Variants in PCDHA6 observed in about 807,000 individuals in gnomAD.
PCDHA6 encodes protocadherin alpha 6, also known as protocadherin alpha-6.
Under a neutral mutation model 60.3 loss-of-function variants are expected in PCDHA6, and 55 were observed. The ratio of observed to expected loss-of-function variants is 0.91; its 90% CI spans 0.73 to 1.14. PCDHA6 has a LOEUF of 1.14. Ranked by LOEUF, PCDHA6 falls within the 50% of genes most tolerant of loss-of-function variation. The pLI is 0.00. For missense variants in PCDHA6, 1,327 were observed against 1,256.5 expected, an observed-to-expected ratio of 1.06 and a Z score of -0.85; for synonymous variants, 652 against 557.9, an observed-to-expected ratio of 1.17 and a Z score of -2.38.
intron 1 of PCDHA6, chr5:140,860,800 C>A (rs1270356784): frequency 1.3e-5 from 2 of 152,198 alleles, no homozygotes; most frequent in Non-Finnish European, 2.9e-5. Context: ...TGCAGTGGCA[C>A]GATCTCGGCT....
chr5:140,956,464 A>C (rs1340273443), intron 1 of PCDHA6, among the ~76,000 whole-genome samples: 1 of 152,148 alleles, frequency 6.6e-6, no homozygotes, highest in Admixed American at 6.6e-5. Flanking sequence ...ATTGATTTGC[A>C]TATGTTGAAC....
chr5:140,966,658 G>A (rs887585622), intron 1 of PCDHA6: 5 of 1,212,426 alleles, frequency 4.1e-6, no homozygotes, highest in Admixed American at 3.9e-5. Flanking sequence ...GAGCGGTGGG[G>A]GAGCAGGCGC....
At chr5:140,896,346 G>A (rs1466880160) in intron 1 of PCDHA6, among the ~76,000 whole-genome samples, 17 of 151,992 alleles carry the variant, frequency 1.1e-4, no homozygotes, top group African/African-American at 3.4e-4. Flanking sequence ...TTATATTCCC[G>A]CCAGCAGTGT....
chr5:140,929,484 T>C, intron 1 of PCDHA6: 1 of 1,156,262 alleles, frequency 8.6e-7, no homozygotes, highest in Non-Finnish European at 1.2e-6. Context: ...AGTATAGAAG[T>C]ATTAGAAGAT....
chr5:140,844,611 T>C (rs1779461835), intron 1 of PCDHA6, among the ~76,000 whole-genome samples: 1 of 149,406 alleles, frequency 6.7e-6, no homozygotes, highest in Non-Finnish European at 1.5e-5. Context: ...CTTAGAAAAA[T>C]GTTTTCATCA....
chr5:140,860,055 A>G (rs1466399941), intron 1 of PCDHA6: 6 of 151,228 alleles, frequency 4.0e-5, no homozygotes, highest in African/African-American at 1.2e-4. Context: ...TTGAGAGGCC[A>G]AGGTGGGAGG....
chr5:140,887,525 TC>T (rs552124664), intron 1 of PCDHA6, among the ~76,000 whole-genome samples: 1 of 152,154 alleles, frequency 6.6e-6, no homozygotes, highest in South Asian at 2.1e-4. Context: ...TATATATGAG[TC>T]TTCCTCTCCC....
At chr5:140,986,458 A>G (rs1199378141) in intron 3 of PCDHA6, among the ~76,000 whole-genome samples, 1 of 152,166 alleles carries the variant, frequency 6.6e-6, no homozygotes, top group Admixed American at 6.5e-5. Flanking sequence ...GTTTTAATGA[A>G]TGCCCTCTTG....
At chr5:140,876,433 A>G (rs1562712994) in intron 1 of PCDHA6, 19 of 1,614,000 alleles carry the variant, frequency 1.2e-5, no homozygotes, top group Non-Finnish European at 1.6e-5. Flanking sequence ...AATTCAGGTT[A>G]ACGCCATTGA....
At chr5:140,857,620 C>T (rs782083775) in intron 1 of PCDHA6, 2 of 1,596,564 alleles carry the variant, frequency 1.3e-6, no homozygotes, top group East Asian at 2.2e-5. Context: ...CGCTGGACCA[C>T]GAGGAGCTGG....
At position 140,869,037 on chromosome 5, in the gene PCDHA6, C is replaced by T. The variant is rs547872988; in HGVS notation, c.2394+38552C>T. 8.6e-5 allele frequency: 132 copies of T among 1,528,404 alleles called. No individual in the cohort carries two copies. In the East Asian group the frequency reaches 2.7e-3, roughly 31 times the overall value. The allele number at this position is 1,528,404 out of a possible 1,614,324, so 94.7% of individuals were successfully genotyped here. ...CTTAAGAATTCAACGAGATTTTTAA[C>T]CTGAAACTGAAGAATCTGGTACTGT... On this transcript the variant is annotated intron_variant, in intron 1 of 3. Coordinates refer to ENST00000529310, the MANE Select transcript of PCDHA6 (RefSeq NM_018909.4).
chr5:140,836,654 G>A (rs1164686105), intron 1 of PCDHA6: 7 of 1,613,324 alleles, frequency 4.3e-6, no homozygotes, highest in Middle Eastern at 1.6e-4. Context: ...GGCGGCAGAG[G>A]GTGTGCTCTG....
At chr5:140,962,747 G>A (rs1385433172) in intron 1 of PCDHA6, among the ~76,000 whole-genome samples, 1 of 152,142 alleles carries the variant, frequency 6.6e-6, no homozygotes, top group Non-Finnish European at 1.5e-5. Flanking sequence ...ATGAAGATCA[G>A]GAATCCTATT....
At chr5:140,864,091 A>C (rs564098013) in intron 1 of PCDHA6, 4 of 152,590 alleles carry the variant, frequency 2.6e-5, no homozygotes, top group Admixed American at 2.0e-4. Context: ...TTCAGTTGAT[A>C]AGTATAATGA....
intron 1 of PCDHA6, among the ~76,000 whole-genome samples, chr5:140,941,126 G>T (rs1194807243): frequency 6.6e-6 from 1 of 151,906 alleles, no homozygotes; most frequent in Non-Finnish European, 1.5e-5. Flanking sequence ...GTCCTTTGAA[G>T]TTCCAGCTTA....
intron 1 of PCDHA6, among the ~76,000 whole-genome samples, chr5:140,925,907 C>T (rs937426015): frequency 6.6e-6 from 1 of 151,848 alleles, no homozygotes; most frequent in African/African-American, 2.4e-5. Flanking sequence ...TCGTCAAGGG[C>T]CGTTTGCAAA....
intron 1 of PCDHA6, chr5:140,875,168 G>A (rs1554167513): frequency 5.5e-6 from 2 of 364,784 alleles, no homozygotes; most frequent in African/African-American, 4.2e-5. Flanking sequence ...ACCCAAAGTC[G>A]AAACATTAGA....
chr5:140,875,655 G>C, intron 1 of PCDHA6: 1 of 1,613,724 alleles, frequency 6.2e-7, no homozygotes, highest in Middle Eastern at 1.7e-4. Context: ...AGCTGGTGCC[G>C]CGCCTGTTCC....
At chr5:140,835,993 C>A (rs2150249835) in intron 1 of PCDHA6, 2 of 1,613,346 alleles carry the variant, frequency 1.2e-6, no homozygotes, top group African/African-American at 1.3e-5. Context: ...CAGGTGAGCG[C>A]GCGCGATGCG....
Sources: allele counts gnomAD v4.1 joint callset (sites outside exome capture counted in the v4.1 genomes callset), GRCh38; gene constraint gnomAD v4.1.1; transcripts MANE v1.5; gene names NCBI Gene and HGNC (gene_info 2026-07-23, HGNC 2026-07-21).